Variants in ZBBX observed in about 807,000 individuals in gnomAD.
ZBBX encodes the protein zinc finger B-box domain containing.
Under a neutral mutation model 108.5 loss-of-function variants are expected in ZBBX, and 101 were observed. That is an observed-to-expected ratio of 0.93 (90% CI 0.79 to 1.10). The LOEUF is 1.10. Among genes scored for constraint, ZBBX ranks in the 50% least tolerant of loss-of-function variants. The probability of loss-of-function intolerance (pLI) is 0.00; values close to 1 mark genes in which losing one functional copy is unlikely to be tolerated. For missense variants in ZBBX, 1,009 were observed against 941.4 expected, an observed-to-expected ratio of 1.07 and a Z score of -0.94; for synonymous variants, 356 against 323.4, an observed-to-expected ratio of 1.10 and a Z score of -1.08.
intron 6 of ZBBX, among the ~76,000 whole-genome samples, chr3:167,362,634 A>G (rs1744698740): frequency 6.6e-6 from 1 of 152,112 alleles, no homozygotes; most frequent in Non-Finnish European, 1.5e-5. Flanking sequence ...TTTCCCAAAA[A>G]TGTTTCATCA....
chr3:167,304,198 G>A (rs1733201693), intron 17 of ZBBX, among the ~76,000 whole-genome samples: 1 of 152,150 alleles, frequency 6.6e-6, no homozygotes, highest in African/African-American at 2.4e-5. Flanking sequence ...CAAAGAGCAG[G>A]TTTGTTTACT....
At chr3:167,182,621 A>G in the ZBBX span, among the ~76,000 whole-genome samples, 20 of 152,250 alleles carry the variant, frequency 1.3e-4, no homozygotes, top group East Asian at 3.7e-3. Flanking sequence ...GTCTGCAGTT[A>G]TATTAATTTG....
At chr3:167,229,240 C>T in the ZBBX span, among the ~76,000 whole-genome samples, 1 of 151,768 alleles carries the variant, frequency 6.6e-6, no homozygotes, top group Non-Finnish European at 1.5e-5. Flanking sequence ...TTTCATTCCC[C>T]ACCCATCTCT....
At chr3:167,336,548 T>A (rs745936985) in intron 9 of ZBBX, among the ~76,000 whole-genome samples, 14 of 152,144 alleles carry the variant, frequency 9.2e-5, no homozygotes, top group Non-Finnish European at 1.5e-4. Flanking sequence ...GAATTTCAAG[T>A]TCAGAAAGCT....
intron 10 of ZBBX, 49 bp downstream of exon 10, chr3:167,333,778 C>A: frequency 1.4e-6 from 2 of 1,441,554 alleles, no homozygotes; most frequent in Non-Finnish European, 1.8e-6. Context: ...ATGGCACCTG[C>A]CATAGTTACA....
At chr3:167,180,465 C>A in the ZBBX span, among the ~76,000 whole-genome samples, 2 of 152,178 alleles carry the variant, frequency 1.3e-5, no homozygotes, top group Admixed American at 6.5e-5. Flanking sequence ...GAGTAGTAGT[C>A]TGAATTTTGT....
At chr3:167,214,122 C>T in the ZBBX span, among the ~76,000 whole-genome samples, 11 of 152,154 alleles carry the variant, frequency 7.2e-5, no homozygotes, top group South Asian at 6.2e-4. Context: ...AAAGCAACCA[C>T]GCAAGTAAGC....
chr3:167,214,003 G>A, the ZBBX span, among the ~76,000 whole-genome samples: 1 of 152,128 alleles, frequency 6.6e-6, no homozygotes, highest in Non-Finnish European at 1.5e-5. Context: ...TTCATTACCA[G>A]AAGACCTGTT....
chr3:167,295,183 C>T (rs1327644383), intron 18 of ZBBX, among the ~76,000 whole-genome samples: 1 of 152,116 alleles, frequency 6.6e-6, no homozygotes, highest in Non-Finnish European at 1.5e-5. Flanking sequence ...CCAGCAATCC[C>T]ATTACTGGGT....
At chr3:167,263,496 G>T (rs1333078983) in intron 20 of ZBBX, among the ~76,000 whole-genome samples, 1 of 151,906 alleles carries the variant, frequency 6.6e-6, no homozygotes, top group African/African-American at 2.4e-5. Flanking sequence ...TGGTCATTTG[G>T]GAGCATACTG....
At chr3:167,322,282 A>G in intron 11 of ZBBX, 45 bp from the exon 12 acceptor site, 1 of 1,405,182 alleles carries the variant, frequency 7.1e-7, no homozygotes, top group Non-Finnish European at 9.4e-7. Context: ...AAGCAAGTTT[A>G]CAAATTACTA....
chr3:167,346,803 C>A (rs576158783), intron 9 of ZBBX, among the ~76,000 whole-genome samples: 1 of 151,740 alleles, frequency 6.6e-6, no homozygotes, highest in Non-Finnish European at 1.5e-5. Context: ...ACAACAAAAA[C>A]TTTATGCATA....
chr3:167,372,666 C>T lies in ZBBX; in HGVS notation c.68+168G>A, dbSNP rs574004085. 8.5e-5 allele frequency among the ~76,000 whole-genome samples: 13 copies of T among 152,180 alleles called. No homozygotes were observed. In the East Asian group the frequency reaches 2.5e-3, roughly 29 times the overall value. On this transcript the variant is annotated intron_variant, in intron 4 of 21. Coordinates refer to ENST00000675490, the MANE Select transcript of ZBBX (RefSeq NM_001199201.2). ...TTCTTGTGGAATAAATATTTTTAATCCTCATTTTTAAACTATTATAGATTT... is the reference window on the plus strand; with the variant it reads ...TTCTTGTGGAATAAATATTTTTAATTCTCATTTTTAAACTATTATAGATTT...
intron 18 of ZBBX, among the ~76,000 whole-genome samples, chr3:167,292,501 A>G (rs1730881853): frequency 6.6e-6 from 1 of 152,204 alleles, no homozygotes; most frequent in Non-Finnish European, 1.5e-5. Flanking sequence ...TTTGAAACCA[A>G]TGAGAACAAA....
chr3:167,314,582 TTAAA>T (rs2108280291), intron 15 of ZBBX, among the ~76,000 whole-genome samples: 1 of 152,314 alleles, frequency 6.6e-6, no homozygotes. Context: ...TAGTTACAAT[TTAAA>T]TAACATTCTT....
intron 1 of ZBBX, among the ~76,000 whole-genome samples, chr3:167,401,159 T>C (rs1748412994): frequency 6.6e-6 from 1 of 152,172 alleles, no homozygotes. Flanking sequence ...CTAATATAGA[T>C]AATAATCTAA....
At chr3:167,312,107 G>T (rs1576966271) in intron 16 of ZBBX, among the ~76,000 whole-genome samples, 1 of 151,972 alleles carries the variant, frequency 6.6e-6, no homozygotes, top group Non-Finnish European at 1.5e-5. Context: ...AGCACTAAAA[G>T]AAATGAGAAA....
chr3:167,353,021 G>A (rs1190131522), intron 8 of ZBBX, among the ~76,000 whole-genome samples: 1 of 152,058 alleles, frequency 6.6e-6, no homozygotes, highest in Non-Finnish European at 1.5e-5. Context: ...ACATCTTACT[G>A]AACTGGGAAG....
At chr3:167,180,246 C>T in the ZBBX span, among the ~76,000 whole-genome samples, 1 of 152,154 alleles carries the variant, frequency 6.6e-6, no homozygotes, top group Non-Finnish European at 1.5e-5. Flanking sequence ...TTGTTAATTG[C>T]TGAGGGCTAG....
Sources: gnomAD v4.1 joint callset for allele counts (sites outside exome capture counted in the v4.1 genomes callset) on GRCh38, gnomAD v4.1.1 for gene constraint, MANE v1.5 for transcripts, NCBI Gene and HGNC (gene_info 2026-07-23, HGNC 2026-07-21) for gene names.